The following SMG1 variants were observed in gnomAD, a reference collection of about 807,000 sequenced individuals.
SMG1 encodes SMG1 nonsense mediated mRNA decay associated PI3K related kinase, also known as serine/threonine-protein kinase SMG1.
In SMG1, 22 loss-of-function variants were observed where a neutral mutation model predicts 419.9. The ratio of observed to expected loss-of-function variants is 0.05; its 90% CI spans 0.04 to 0.07. The LOEUF (loss-of-function observed/expected upper bound fraction) is 0.07. SMG1 is among the 10% of genes least tolerant of loss of function. The pLI is 1.00. For missense variants in SMG1, 3,185 were observed against 4,342.0 expected, an observed-to-expected ratio of 0.73 and a Z score of 7.49; for synonymous variants, 1,538 against 1,553.5, an observed-to-expected ratio of 0.99 and a Z score of 0.23.
At chr16:18,851,094 T>C (rs968970764) in intron 33 of SMG1, among the ~76,000 whole-genome samples, 4 of 152,202 alleles carry the variant, frequency 2.6e-5, no homozygotes, top group Admixed American at 6.5e-5. Context: ...GCTCAAAAGT[T>C]TGAAGCTGAA....
intron 55 of SMG1, among the ~76,000 whole-genome samples, chr16:18,820,707 T>C (rs190493700): frequency 6.6e-6 from 1 of 152,348 alleles, no homozygotes; most frequent in Admixed American, 6.5e-5. Context: ...AAACACATCT[T>C]TTCTCTGACC....
In SMG1 at chr16:18,854,661, G is replaced by A; in HGVS notation, c.4478C>T (p.Thr1493Ile). The change falls in exon 30 of 63, where the codon ACA becomes ATA. Residue 1493 changes from threonine to isoleucine, a missense_variant. By Grantham distance (89) the Thr-to-Ile change is moderately conservative. This residue lies in a region of SMG1 where 493 missense variants were observed against 552.9 expected (regional missense o/e 0.89). Coordinates refer to ENST00000446231, the MANE Select transcript of SMG1 (RefSeq NM_015092.5). The part of the protein sequence containing the change: ...LDIEKTKLLY[T>I]AGQSTHAMEM... ...CCATAATTAATTTTACTAACCTGCTGTATAAAGCAATTTGGTTTTTTCAAT... is the reference window on the plus strand; with the variant it reads ...CCATAATTAATTTTACTAACCTGCTATATAAAGCAATTTGGTTTTTTCAAT... 1.2e-6 allele frequency: 2 copies of A among 1,613,224 alleles called. No homozygotes were observed. Among genetic ancestry groups the A allele is most frequent in the East Asian group, 2.2e-5 (1 of 44,856 alleles).
chr16:18,819,652 C>G lies in SMG1; in HGVS notation c.9744G>C (p.Glu3248Asp), dbSNP rs1159158936. The change falls in exon 56 of 63, where the codon GAG (glutamate) becomes GAC (aspartate). Residue 3248 changes from glutamate (E) to aspartate (D), a missense_variant and splice_region_variant. Around this residue, in one of 27 missense-constraint regions of SMG1, gnomAD observed 737 missense variants for 846.6 expected, o/e 0.87. Coordinates refer to ENST00000446231, the MANE Select transcript of SMG1 (RefSeq NM_015092.5). ...QIETSIATVQ[E>D]KLAALESSIE... Reference sequence around the variant, plus strand: ...TACTTGATTCAAGTGCAGCTAGCTTCTCCTATAAAAGCCAGCAGAATCTTG... The same window carrying G: ...TACTTGATTCAAGTGCAGCTAGCTTGTCCTATAAAAGCCAGCAGAATCTTG... 1 of 1,560,010 alleles carries G rather than the reference C, an allele frequency of 6.4e-7. No individual in the cohort carries two copies. Among genetic ancestry groups the G allele is most frequent in the South Asian group, 1.2e-5 (1 of 83,608 alleles).
Position 18,830,317 on chromosome 16 carries a change from C to A in SMG1, c.8845G>T (p.Asp2949Tyr). The change falls in exon 52 of 63, where the codon GAT (aspartate) becomes TAT (tyrosine). Residue 2949 changes from aspartate to tyrosine, a missense_variant. Transcript: ENST00000446231. ...CCAGCTGACATTTTGGGTGTTTCAT[C>A]AACTGAACCATTTCTCGGTTGGATT... ...ELIQPRNGSV[D>Y]ETPKMSAGQM... is the part of the protein sequence containing the mutation. 6.2e-7 allele frequency: 1 copy of A among 1,613,946 alleles called. No individual in the cohort carries two copies. Among genetic ancestry groups the A allele is most frequent in the Non-Finnish European group, 8.5e-7 (1 of 1,179,886 alleles).
chr16:18,853,360 T>A (rs1310304197), intron 31 of SMG1, among the ~76,000 whole-genome samples: 1 of 152,148 alleles, frequency 6.6e-6, no homozygotes, highest in Admixed American at 6.5e-5. Flanking sequence ...AGCAAAAACA[T>A]CTAAGTCCAT....
At chr16:18,836,606 G>C in intron 46 of SMG1, 74 bp from the exon 47 acceptor site, 1 of 1,501,600 alleles carries the variant, frequency 6.7e-7, no homozygotes, top group Non-Finnish European at 9.1e-7. Flanking sequence ...ACCCTGGAAT[G>C]TGCTCACACA....
intron 8 of SMG1, chr16:18,884,685 G>A (rs1053976027): frequency 4.0e-5 from 7 of 176,034 alleles, no homozygotes; most frequent in African/African-American, 1.7e-4. Flanking sequence ...CCAAAAAAAT[G>A]GGAAACAAAA....
intron 8 of SMG1, 192 bp downstream of exon 8, chr16:18,884,898 C>T (rs1296152926): frequency 3.4e-6 from 2 of 586,338 alleles, no homozygotes; most frequent in African/African-American, 1.9e-5. Flanking sequence ...TCTGTACTTA[C>T]TGTACCCACC....
At chr16:18,815,984 G>A in intron 58 of SMG1, 1 of 456,384 alleles carries the variant, frequency 2.2e-6, no homozygotes, top group Non-Finnish European at 3.9e-6. Flanking sequence ...GGGTTTGTTG[G>A]TATAGCTAAG....
chr16:18,914,941 A>AC (rs2037914953), intron 1 of SMG1, among the ~76,000 whole-genome samples: 1 of 142,468 alleles, frequency 7.0e-6, no homozygotes, highest in Non-Finnish European at 1.5e-5. Context: ...AAATTACCAT[A>AC]TTTTTTTTTT....
rs761321547 is a variant in SMG1, at chr16:18,829,480, GATC to G, written c.9406_9408del (p.Asp3136del). On this transcript the variant is annotated inframe_deletion, in exon 54 of 63. Transcript: ENST00000446231. The stretch of plus-strand genomic sequence containing the variant: ...TTATGTTCCACCGCTTTCTTACAGA[GATC>G]ATCAACAGAAACTTTGCTTTCGGCA... 3 of 1,613,990 alleles carry G rather than the reference GATC, an allele frequency of 1.9e-6. No individual in the cohort carries two copies. The highest frequency in any genetic ancestry group is 1.3e-5 in the African/African-American group (1 of 75,044).
chr16:18,921,696 A>G (rs571774939), intron 1 of SMG1, among the ~76,000 whole-genome samples: 1 of 152,350 alleles, frequency 6.6e-6, no homozygotes, highest in South Asian at 2.1e-4. Context: ...ACCTATGGAC[A>G]TCAAACTTAG....
intron 11 of SMG1, 82 bp from the exon 12 acceptor site, chr16:18,877,314 G>C (rs2036181262): frequency 9.8e-7 from 1 of 1,020,436 alleles, no homozygotes; most frequent in Non-Finnish European, 1.4e-6. Context: ...ACTGATAAGT[G>C]AAAGAAGCCA....
chr16:18,833,299 T>G, intron 50 of SMG1, 133 bp from the exon 51 acceptor site: 1 of 594,168 alleles, frequency 1.7e-6, no homozygotes, highest in South Asian at 2.3e-5. Flanking sequence ...AAGTACATCT[T>G]TTGTTTACTT....
intron 39 of SMG1, 37 bp downstream of exon 39, chr16:18,845,392 G>C: frequency 6.5e-7 from 1 of 1,549,654 alleles, no homozygotes; most frequent in Non-Finnish European, 8.9e-7. Flanking sequence ...GAACTGTGAT[G>C]TGCCATTTCA....
chr16:18,893,826 G>C (rs1433387648), intron 3 of SMG1, among the ~76,000 whole-genome samples: 3 of 152,096 alleles, frequency 2.0e-5, no homozygotes, highest in Middle Eastern at 3.2e-3. Context: ...GGGAGGCCGA[G>C]GAAGGCAGAT....
Position 18,854,821 on chromosome 16 carries a change from G to A in SMG1, c.4318C>T (p.Leu1440Phe). 1 of 1,614,036 alleles carries A rather than the reference G, an allele frequency of 6.2e-7. No homozygotes were observed. The highest frequency in any genetic ancestry group is 8.5e-7 in the Non-Finnish European group (1 of 1,179,896). Residue 1440 changes from leucine to phenylalanine, a missense_variant, in exon 30 of 63, where the codon CTT becomes TTT. By Grantham distance (22) the Leu-to-Phe change is conservative. This residue lies in a region of SMG1 where 493 missense variants were observed against 552.9 expected (regional missense o/e 0.89). Transcript: ENST00000446231. Reference sequence around the variant, plus strand: ...CACTGTGCCAGCAGTCTTGTTGCAAGGGACACATTCCCTCGTTTTCTAGCA... The same window carrying A: ...CACTGTGCCAGCAGTCTTGTTGCAAAGGACACATTCCCTCGTTTTCTAGCA... ...KFARKRGNVS[L>F]ATRLLAQCSE...
intron 1 of SMG1, among the ~76,000 whole-genome samples, chr16:18,913,523 T>C (rs1201839355): frequency 1.3e-5 from 2 of 151,960 alleles, no homozygotes; most frequent in African/African-American, 2.4e-5. Context: ...AGCAATGTTA[T>C]CAAATGTGGA....
chr16:18,919,399 C>T (rs1448780107), intron 1 of SMG1, among the ~76,000 whole-genome samples: 1 of 150,250 alleles, frequency 6.7e-6, no homozygotes, highest in South Asian at 2.1e-4. Flanking sequence ...CTGAGGCGGG[C>T]GGATCATGAC....
Sources: gnomAD v4.1 joint callset for allele counts (sites outside exome capture counted in the v4.1 genomes callset) on GRCh38, gnomAD v4.1.1 for gene constraint, gnomAD v4.1.1 regional missense constraint, MANE v1.5 for transcripts, NCBI Gene and HGNC (gene_info 2026-07-23, HGNC 2026-07-21) for gene names.